Variants in MID1 observed in about 807,000 individuals in gnomAD.
The protein encoded by MID1 is midline 1.
Under a neutral mutation model 40.4 loss-of-function variants are expected in MID1, and 7 were observed. The observed-to-expected ratio is 0.17, with a 90% CI of 0.10 to 0.33. MID1 has a LOEUF of 0.33. Among genes scored for constraint, MID1 ranks in the 10% least tolerant of loss-of-function variants. The probability of loss-of-function intolerance (pLI) is 1.00; values close to 1 mark genes in which losing one functional copy is unlikely to be tolerated. For synonymous variants in MID1, 229 were observed against 221.2 expected, an observed-to-expected ratio of 1.04 and a Z score of -0.31; for missense variants, 367 against 558.5, an observed-to-expected ratio of 0.66 and a Z score of 3.46.
At chrX:10,789,893 T>A (rs1009090999) in intron 1 of MID1, among the ~76,000 whole-genome samples, 2 of 110,845 alleles carry the variant, frequency 1.8e-5, no homozygotes, top group Admixed American at 1.9e-4. Context: ...CTTTAACAGA[T>A]CCCCACTGCT....
chrX:10,480,526 A>G (rs1402763301), intron 5 of MID1, among the ~76,000 whole-genome samples: 1 of 112,249 alleles, frequency 8.9e-6, no homozygotes, highest in Non-Finnish European at 1.9e-5. Context: ...CCGGTTGGAA[A>G]CCGTGACCTA....
intron 5 of MID1, among the ~76,000 whole-genome samples, chrX:10,477,031 A>G (rs1450267427): frequency 2.7e-5 from 3 of 112,649 alleles, no homozygotes; most frequent in Non-Finnish European, 5.6e-5. Flanking sequence ...AGCCCAGAAT[A>G]TATGCATTCG....
chrX:10,717,436 A>T (rs1276908556), intron 1 of MID1, among the ~76,000 whole-genome samples: 2 of 110,342 alleles, frequency 1.8e-5, no homozygotes, highest in Non-Finnish European at 3.8e-5. Flanking sequence ...ACAAAGATCA[A>T]AAGAGACAAA....
chrX:10,456,239 C>CAA (rs1188720911), intron 8 of MID1, among the ~76,000 whole-genome samples: 1 of 112,368 alleles, frequency 8.9e-6, no homozygotes, highest in Non-Finnish European at 1.9e-5. Context: ...CTTTTGGATA[C>CAA]AAACACAACA....
At chrX:10,467,016 T>C (rs1366234978) in intron 7 of MID1, among the ~76,000 whole-genome samples, 2 of 111,519 alleles carry the variant, frequency 1.8e-5, no homozygotes, top group Middle Eastern at 4.2e-3. Context: ...TTCAAGGATA[T>C]CTTGAACATC....
At chrX:10,600,622 C>G (rs1935501909) in intron 1 of MID1, among the ~76,000 whole-genome samples, 1 of 111,824 alleles carries the variant, frequency 8.9e-6, no homozygotes, top group Admixed American at 9.5e-5. Context: ...CCACTCATTA[C>G]CCAGGATGCA....
At chrX:10,631,786 G>T (rs1936055386) in intron 1 of MID1, among the ~76,000 whole-genome samples, 1 of 111,867 alleles carries the variant, frequency 8.9e-6, no homozygotes, top group Admixed American at 9.5e-5. Flanking sequence ...CCTTAAAAAT[G>T]CCCAAGGCAC....
At chrX:10,766,776 C>T (rs186009265) in intron 1 of MID1, among the ~76,000 whole-genome samples, 18 of 108,979 alleles carry the variant, frequency 1.7e-4, no homozygotes, top group East Asian at 5.8e-4. Flanking sequence ...AAAACTTAGC[C>T]GGGTGTGGTA....
intron 1 of MID1, among the ~76,000 whole-genome samples, chrX:10,774,455 A>T (rs895379980): frequency 9.1e-6 from 1 of 109,938 alleles, no homozygotes; most frequent in Non-Finnish European, 1.9e-5. Flanking sequence ...CTAACTTCTT[A>T]CAGAGAAACC....
intron 1 of MID1, among the ~76,000 whole-genome samples, chrX:10,709,927 T>G (rs759364980): frequency 5.4e-5 from 6 of 111,861 alleles, no homozygotes; most frequent in Non-Finnish European, 1.1e-4. Context: ...GGAGTGTGTG[T>G]AGGATGTGGG....
chrX:10,817,510 TTTTCTCTTTC>T (rs2147156563), intron 1 of MID1, among the ~76,000 whole-genome samples: 1 of 101,814 alleles, frequency 9.8e-6, no homozygotes, highest in South Asian at 4.7e-4. Context: ...TCTTTTCTTT[TTTTCTCTTTC>T]TTTCTTTCTT....
chrX:10,482,690 A>G (rs1930405284), intron 4 of MID1, 62 bp from the exon 5 acceptor site: 1 of 1,079,682 alleles, frequency 9.3e-7, no homozygotes, highest in Non-Finnish European at 1.3e-6. Flanking sequence ...ATGAAAAGGC[A>G]TCAGGCTGGA....
chrX:10,714,141 T>C (rs2043285981), intron 1 of MID1, among the ~76,000 whole-genome samples: 1 of 112,413 alleles, frequency 8.9e-6, no homozygotes, highest in South Asian at 3.7e-4. Context: ...GAATTCCCTC[T>C]TACAGGCTCC....
Position 10,592,274 on chromosome X carries a change from TAAAAAAAAAAAAA to T in MID1, c.-56-24684_-56-24672del, listed in dbSNP as rs144661774. 9.2e-4 allele frequency among the ~76,000 whole-genome samples: 26 copies of T among 28,255 alleles called. No homozygotes were observed. In the South Asian group the frequency reaches 0.015, roughly 16 times the overall value. The allele number at this position is 28,255 out of a possible 115,157, so 24.5% of individuals were successfully genotyped here. A position where few individuals can be genotyped will look rare whatever the true frequency, so the allele number is the denominator to read the frequency against. On this transcript the variant is annotated intron_variant, in intron 1 of 9. Transcript: ENST00000317552. ...AAAATTTCCTGCTTAGGGACTGCGT[TAAAAAAAAAAAAA>T]AAAAAAAAAAAAAAAAGACCATCTG... is the stretch of plus-strand genomic sequence containing the variant.
chrX:10,681,734 G>A (rs1471591038), intron 1 of MID1, among the ~76,000 whole-genome samples: 1 of 111,234 alleles, frequency 9.0e-6, no homozygotes, highest in African/African-American at 3.3e-5. Flanking sequence ...ATGCGGGGGC[G>A]AATGGAAAGG....
chrX:10,692,248 C>T (rs1310206897), intron 1 of MID1, among the ~76,000 whole-genome samples: 4 of 111,302 alleles, frequency 3.6e-5, no homozygotes, highest in African/African-American at 9.8e-5. Flanking sequence ...TTTTGCGGCT[C>T]GAGGTTGCCA....
rs757262417 is a variant in MID1, at chrX:10,469,743, G to A, written c.1239C>T (p.Ser413=). 14 of 1,209,291 alleles carry A rather than the reference G, an allele frequency of 1.2e-5. No individual in the cohort carries two copies. The highest frequency in any genetic ancestry group is 1.6e-5 in the Non-Finnish European group (14 of 894,644). Residue 413 remains serine, a synonymous_variant, in exon 7 of 10, where the codon TCC becomes TCT. Coordinates refer to ENST00000317552, the MANE Select transcript of MID1 (RefSeq NM_000381.4). The stretch of plus-strand genomic sequence containing the variant: ...TGAATATGGTGTACTGGAGCTCGTA[G>A]GAGACCACGCTGAACTCATCATCGG... ...WTSDDEFSVV[S]YELQYTIFTG...
Position 10,522,130 on chromosome X carries a change from C to T in MID1, c.756+962G>A, listed in dbSNP as rs111626810. Among the ~76,000 whole-genome samples the T allele has an allele frequency of 1.0e-2, 1,120 of 112,425 alleles. 12 individuals are homozygous for T. The highest frequency in any genetic ancestry group is 0.03 in the African/African-American group (926 of 30,946). On this transcript the variant is annotated intron_variant, in intron 3 of 9. Coordinates refer to ENST00000317552, the MANE Select transcript of MID1 (RefSeq NM_000381.4). ...GGATTACAGGGTGTGAGCCACCATG[C>T]CTGGCCTGAAAATAGAGTCTTCGCA...
chrX:10,730,532 G>C (rs1398847852), intron 1 of MID1, among the ~76,000 whole-genome samples: 1 of 105,238 alleles, frequency 9.5e-6, no homozygotes, highest in Non-Finnish European at 1.9e-5. Context: ...CACTCAAATC[G>C]TACCGCAACT....
Sources: gnomAD v4.1 joint callset for allele counts (sites outside exome capture counted in the v4.1 genomes callset) on GRCh38, gnomAD v4.1.1 for gene constraint, MANE v1.5 for transcripts, NCBI Gene and HGNC (gene_info 2026-07-23, HGNC 2026-07-21) for gene names.